Variants in EXOC6 observed in about 807,000 individuals in gnomAD.
EXOC6 encodes SEC15-like 1.
Under a neutral mutation model 112.5 loss-of-function variants are expected in EXOC6, and 60 were observed. The ratio of observed to expected loss-of-function variants is 0.53; its 90% CI spans 0.43 to 0.66. The LOEUF is 0.66. EXOC6 is among the 30% of genes least tolerant of loss of function. The pLI, the probability that EXOC6 is intolerant of heterozygous loss-of-function variation, is 0.00. For missense variants in EXOC6, 855 were observed against 957.1 expected (o/e 0.89, Z 1.41); for synonymous variants, 295 against 308.0 (o/e 0.96, Z 0.44).
chr10:93,036,082 A>T (rs896106418), intron 20 of EXOC6, among the ~76,000 whole-genome samples: 2 of 151,898 alleles, frequency 1.3e-5, no homozygotes, highest in African/African-American at 4.8e-5. Flanking sequence ...ATTAGGCATG[A>T]TGGCGCATGC....
intron 12 of EXOC6, among the ~76,000 whole-genome samples, chr10:92,937,307 G>A (rs927850114): frequency 1.1e-4 from 17 of 152,082 alleles, no homozygotes; most frequent in Non-Finnish European, 2.1e-4. Flanking sequence ...TTTTCTGAGA[G>A]CAAATTTATA....
intron 12 of EXOC6, among the ~76,000 whole-genome samples, chr10:92,936,595 A>C (rs961554671): frequency 7.2e-5 from 11 of 152,252 alleles, no homozygotes; most frequent in African/African-American, 2.7e-4. Context: ...TCCATCTCAA[A>C]ACAAACAAAA....
At chr10:93,039,088 A>C (rs1220338512) in intron 20 of EXOC6, among the ~76,000 whole-genome samples, 2 of 152,140 alleles carry the variant, frequency 1.3e-5, no homozygotes, top group Non-Finnish European at 2.9e-5. Flanking sequence ...GGAGACCAAA[A>C]GGTCAATAGT....
intron 19 of EXOC6, among the ~76,000 whole-genome samples, chr10:93,005,474 T>G (rs1024835468): frequency 1.3e-5 from 2 of 152,192 alleles, no homozygotes; most frequent in African/African-American, 4.8e-5. Flanking sequence ...TTATTATATA[T>G]TGGGTACCAA....
intron 7 of EXOC6, among the ~76,000 whole-genome samples, chr10:92,917,403 CTACTATGAT>C (rs1363625385): frequency 6.7e-6 from 1 of 148,558 alleles, no homozygotes; most frequent in Non-Finnish European, 1.5e-5. Context: ...AAAAATAACT[CTACTATGAT>C]TAGTCTTTTA....
At chr10:92,880,951 G>T (rs1291229064) in intron 1 of EXOC6, among the ~76,000 whole-genome samples, 1 of 152,112 alleles carries the variant, frequency 6.6e-6, no homozygotes, top group Non-Finnish European at 1.5e-5. Flanking sequence ...TATTCTACAT[G>T]AAAACTTTTT....
intron 17 of EXOC6, among the ~76,000 whole-genome samples, chr10:92,967,944 T>G (rs759300937): frequency 2.0e-5 from 3 of 152,172 alleles, no homozygotes; most frequent in Non-Finnish European, 4.4e-5. Context: ...ATGAGGGAAC[T>G]GATTATGAAC....
chr10:92,979,005 T>G (rs1423657911), intron 18 of EXOC6, among the ~76,000 whole-genome samples: 1 of 152,194 alleles, frequency 6.6e-6, no homozygotes, highest in Non-Finnish European at 1.5e-5. Context: ...TGTCCAATAG[T>G]GCAAAAATTT....
At chr10:92,988,267 G>T (rs1261310583) in intron 18 of EXOC6, among the ~76,000 whole-genome samples, 1 of 151,546 alleles carries the variant, frequency 6.6e-6, no homozygotes, top group Admixed American at 6.6e-5. Flanking sequence ...CTTTTTTTCC[G>T]TATTTGTCTT....
intron 1 of EXOC6, among the ~76,000 whole-genome samples, chr10:92,866,765 C>G (rs978375294): frequency 2.0e-5 from 3 of 151,986 alleles, no homozygotes; most frequent in Admixed American, 1.3e-4. Context: ...CTGAAATTAT[C>G]AAGGTTTGCC....
At chr10:93,013,028 G>GA (rs892378104) in intron 19 of EXOC6, among the ~76,000 whole-genome samples, 1 of 150,716 alleles carries the variant, frequency 6.6e-6, no homozygotes, top group African/African-American at 2.4e-5. Context: ...TCGAGAAAAA[G>GA]AAAAAAAAGA....
intron 8 of EXOC6, among the ~76,000 whole-genome samples, chr10:92,924,327 A>C (rs1851593650): frequency 6.6e-6 from 1 of 152,222 alleles, no homozygotes; most frequent in Non-Finnish European, 1.5e-5. Flanking sequence ...ACCTTTAAAC[A>C]GCCAAATGAT....
At chr10:92,841,439 T>C (rs550303039) in intron 1 of EXOC6, among the ~76,000 whole-genome samples, 1 of 152,342 alleles carries the variant, frequency 6.6e-6, no homozygotes, top group South Asian at 2.1e-4. Context: ...ACTAATGCAA[T>C]ATCATGACCT....
At chr10:92,879,348 G>A (rs1848835577) in intron 1 of EXOC6, among the ~76,000 whole-genome samples, 1 of 152,056 alleles carries the variant, frequency 6.6e-6, no homozygotes, top group Non-Finnish European at 1.5e-5. Flanking sequence ...GCACGCCTGT[G>A]GTCATAGCTA....
chr10:92,947,816 A>C (rs368943042), intron 13 of EXOC6, among the ~76,000 whole-genome samples: 6 of 152,156 alleles, frequency 3.9e-5, no homozygotes, highest in African/African-American at 1.4e-4. Context: ...AGGCAGCAGA[A>C]TCACTTGAAC....
At chr10:92,859,196 C>T (rs997586036) in intron 1 of EXOC6, among the ~76,000 whole-genome samples, 1 of 152,106 alleles carries the variant, frequency 6.6e-6, no homozygotes, top group Non-Finnish European at 1.5e-5. Context: ...TGATTCCTTC[C>T]ACCCCATAAC....
At chr10:93,015,769 T>C (rs1220308496) in intron 20 of EXOC6, among the ~76,000 whole-genome samples, 1 of 151,162 alleles carries the variant, frequency 6.6e-6, no homozygotes, top group East Asian at 1.9e-4. Context: ...GTGGAAATAA[T>C]TGGTATATCT....
intron 20 of EXOC6, among the ~76,000 whole-genome samples, chr10:93,054,832 G>A (rs1846468556): frequency 6.6e-6 from 1 of 151,948 alleles, no homozygotes; most frequent in Non-Finnish European, 1.5e-5. Flanking sequence ...TTGAAAATGA[G>A]GCTTCTGTTG....
chr10:93,048,590 T>C (rs1355522066), intron 20 of EXOC6, among the ~76,000 whole-genome samples: 1 of 151,574 alleles, frequency 6.6e-6, no homozygotes, highest in Non-Finnish European at 1.5e-5. Flanking sequence ...AGTATAATAA[T>C]AATAAAATTA....
Sources: gnomAD v4.1 joint callset for allele counts (sites outside exome capture counted in the v4.1 genomes callset) on GRCh38, gnomAD v4.1.1 for gene constraint, MANE v1.5 for transcripts, NCBI Gene and HGNC (gene_info 2026-07-23, HGNC 2026-07-21) for gene names.